Variants in VPS35L observed in about 807,000 individuals in gnomAD.
VPS35L encodes the protein VPS35 endosomal protein sorting factor like, also known as VPS35 endosomal protein-sorting factor-like.
Under a neutral mutation model 133.0 loss-of-function variants are expected in VPS35L, and 83 were observed. That is an observed-to-expected ratio of 0.62 (90% CI 0.52 to 0.75). The LOEUF (loss-of-function observed/expected upper bound fraction) is 0.75, where lower values mean the gene tolerates loss of function less well. Among genes scored for constraint, VPS35L ranks in the 30% least tolerant of loss-of-function variants. VPS35L has a pLI of 0.00. For synonymous variants in VPS35L, 423 were observed against 449.9 expected, an observed-to-expected ratio of 0.94 and a Z score of 0.76; for missense variants, 1,083 against 1,206.8, an observed-to-expected ratio of 0.90 and a Z score of 1.52.
chr16:19,665,369 C>G (rs962536785), intron 26 of VPS35L, among the ~76,000 whole-genome samples: 1 of 152,214 alleles, frequency 6.6e-6, no homozygotes, highest in Admixed American at 6.5e-5. Context: ...TCCTTCTACT[C>G]TCTGTCTCCA....
At chr16:19,692,400 T>C (rs1033280939) in intron 29 of VPS35L, among the ~76,000 whole-genome samples, 2 of 152,092 alleles carry the variant, frequency 1.3e-5, no homozygotes, top group East Asian at 1.9e-4. Flanking sequence ...TTTATTTCCA[T>C]TGAATGGGGA....
chr16:19,634,165 A>G (rs1324586601), intron 19 of VPS35L, among the ~76,000 whole-genome samples: 1 of 151,576 alleles, frequency 6.6e-6, no homozygotes, highest in African/African-American at 2.4e-5. Flanking sequence ...TAAAGAGTTC[A>G]GTGAGGCAAG....
chr16:19,556,363 G>A (rs967635889), intron 1 of VPS35L, among the ~76,000 whole-genome samples: 3 of 152,328 alleles, frequency 2.0e-5, no homozygotes, highest in African/African-American at 7.2e-5. Flanking sequence ...GCTTCAGAGA[G>A]GAGGAGTTAA....
chr16:19,639,746 C>G lies in VPS35L; in HGVS notation c.1699-269C>G, dbSNP rs927475973. Among the ~76,000 whole-genome samples the G allele has an allele frequency of 2.0e-5, 3 of 152,130 alleles. No homozygotes were observed. The highest frequency in any genetic ancestry group is 7.2e-5 in the African/African-American group (3 of 41,436). ...GTTTCGCCATGTTGGCCAGGCTGGT[C>G]TTGAACTCCTGGCCTCAAGTGATCC... On this transcript the variant is annotated intron_variant, in intron 20 of 30. Coordinates refer to ENST00000417362, the MANE Select transcript of VPS35L (RefSeq NM_020314.7). The surrounding 1 kb of genome is among the most constrained non-coding windows in gnomAD (Gnocchi z 4.1).
chr16:19,620,957 GA>G (rs758646202), intron 14 of VPS35L, among the ~76,000 whole-genome samples: 30 of 151,414 alleles, frequency 2.0e-4, no homozygotes, highest in Non-Finnish European at 2.7e-4. Context: ...TCTCAAAAAA[GA>G]ATAAATTAAA....
In VPS35L at chr16:19,591,849, T is replaced by A; in HGVS notation, c.699T>A (p.Leu233=). 1 of 1,609,376 alleles carries A rather than the reference T, an allele frequency of 6.2e-7. No individual in the cohort carries two copies. The highest frequency in any genetic ancestry group is 1.1e-5 in the South Asian group (1 of 90,990). ...AGTTCTACCCAAGCAAATTTGTCCTTATCACCGACATACTTGATACATTTG... is the reference window on the plus strand; with the variant it reads ...AGTTCTACCCAAGCAAATTTGTCCTAATCACCGACATACTTGATACATTTG... ...VIQFYPSKFV[L]ITDILDTFGK... Residue 233 remains leucine, a synonymous_variant, in exon 8 of 31, where the codon CTT becomes CTA. Coordinates refer to ENST00000417362, the MANE Select transcript of VPS35L (RefSeq NM_020314.7).
intron 5 of VPS35L, among the ~76,000 whole-genome samples, chr16:19,575,332 A>G (rs1213969456): frequency 2.0e-5 from 3 of 152,228 alleles, no homozygotes; most frequent in Non-Finnish European, 4.4e-5. Context: ...TGGGAGGCCA[A>G]GGTGGGTGGA....
chr16:19,652,207 C>T (rs1164823610), intron 26 of VPS35L, 117 bp downstream of exon 26: 2 of 751,016 alleles, frequency 2.7e-6, no homozygotes, highest in South Asian at 1.7e-5. Flanking sequence ...GACAGAGTCT[C>T]ACTCTGTCAC....
intron 28 of VPS35L, among the ~76,000 whole-genome samples, chr16:19,684,391 G>C (rs1975387576): frequency 6.6e-6 from 1 of 152,200 alleles, no homozygotes; most frequent in African/African-American, 2.4e-5. Flanking sequence ...GCAAGTTGCA[G>C]TGAACACATT....
At position 19,669,201 on chromosome 16, in the gene VPS35L, G is replaced by A. The variant is rs763233007; in HGVS notation, c.2263G>A (p.Val755Ile). ...FKAAISLVPE[V>I]PKMINIDGKM... ...AGCCGCTATAAGCCTTGTTCCGGAAGTTCCAAAGATGATTAATATTGATGG... is the reference window on the plus strand; with the variant it reads ...AGCCGCTATAAGCCTTGTTCCGGAAATTCCAAAGATGATTAATATTGATGG... The change falls in exon 27 of 31, where the codon GTT becomes ATT. Residue 755 changes from valine (V) to isoleucine (I), a missense_variant. Transcript: ENST00000417362. The A allele has an allele frequency of 6.2e-6, 10 of 1,612,136 alleles. No individual in the cohort carries two copies. The highest frequency in any genetic ancestry group is 1.6e-4 in the Middle Eastern group (1 of 6,078).
chr16:19,565,331 G>A (rs1041894026), intron 2 of VPS35L, among the ~76,000 whole-genome samples: 3 of 151,132 alleles, frequency 2.0e-5, no homozygotes, highest in Non-Finnish European at 4.4e-5. Context: ...TTATGGGTGT[G>A]GGCCACCGTG....
Position 19,555,774 on chromosome 16 carries a change from G to A in VPS35L, c.17+28G>A. On this transcript the variant is annotated intron_variant, in intron 1 of 30. Coordinates refer to ENST00000417362, the MANE Select transcript of VPS35L (RefSeq NM_020314.7). ...AAGGAAGCAGCGGCGGGTGGGCTTT[G>A]GAGAGGGGCTGTCCTTACTTGTGAT... 4 of 1,561,782 alleles carry A rather than the reference G, an allele frequency of 2.6e-6. No individual in the cohort carries two copies. The Middle Eastern group carries it at 6.1e-4, about 237-fold the overall frequency.
At chr16:19,629,143 C>T (rs751766385) in intron 17 of VPS35L, among the ~76,000 whole-genome samples, 50 of 152,222 alleles carry the variant, frequency 3.3e-4, no homozygotes, top group Non-Finnish European at 5.3e-4. Flanking sequence ...AAAAAATTAC[C>T]CTTCCAAGCT....
chr16:19,588,578 A>G (rs226872), intron 7 of VPS35L, among the ~76,000 whole-genome samples: 9,871 of 151,352 alleles, frequency 0.065, 736 homozygotes, highest in African/African-American at 0.18. Context: ...TTTCTGTATG[A>G]ATTTTAGGAT....
chr16:19,695,833 A>G (rs1430042484), intron 29 of VPS35L, among the ~76,000 whole-genome samples: 1 of 152,004 alleles, frequency 6.6e-6, no homozygotes, highest in Non-Finnish European at 1.5e-5. Flanking sequence ...AAATAAATAA[A>G]TAAAAACATG....
In VPS35L at chr16:19,700,806, G is replaced by T; in HGVS notation, c.*330G>T. The stretch of plus-strand genomic sequence containing the variant: ...GTAACATCTTTCTTCTCTGGAAGGT[G>T]TTTGTTTTTTCATAGTTTAGAAATA... On this transcript the variant is annotated 3_prime_UTR_variant, in exon 31 of 31. Transcript: ENST00000417362. 1 of 261,938 alleles carries T rather than the reference G, an allele frequency of 3.8e-6. No individual in the cohort carries two copies. The highest frequency in any genetic ancestry group is 7.3e-6 in the Non-Finnish European group (1 of 137,188). The allele number at this position is 261,938 out of a possible 1,614,324, so 16.2% of individuals were successfully genotyped here. A position where few individuals can be genotyped will look rare whatever the true frequency, so the allele number is the denominator to read the frequency against.
chr16:19,623,796 ATTATTATTATTATTATTATTG>A (rs1367435130), intron 14 of VPS35L, among the ~76,000 whole-genome samples: 2,325 of 115,258 alleles, frequency 0.02, 76 homozygotes, highest in African/African-American at 0.083. Flanking sequence ...TATTATTATT[ATTATTATTATTATTATTATTG>A]TTTTAAGACA....
intron 23 of VPS35L, among the ~76,000 whole-genome samples, chr16:19,645,161 GGGAGGGTGATGGGA>G (rs1425356938): frequency 1.3e-5 from 2 of 152,064 alleles, no homozygotes; most frequent in East Asian, 3.9e-4. Flanking sequence ...GGTGGGGGGC[GGGAGGGTGATGGGA>G]GGAGGGATTT....
intron 14 of VPS35L, 97 bp from the exon 15 acceptor site, chr16:19,626,080 A>C: frequency 1.4e-6 from 1 of 739,870 alleles, no homozygotes; most frequent in Non-Finnish European, 2.2e-6. Flanking sequence ...ACATGTGGCT[A>C]CATTCATTTT....
Sources: allele counts gnomAD v4.1 joint callset (sites outside exome capture counted in the v4.1 genomes callset), GRCh38; gene constraint gnomAD v4.1.1; non-coding constraint Gnocchi (gnomAD v3.1); transcripts MANE v1.5; gene names NCBI Gene and HGNC (gene_info 2026-07-23, HGNC 2026-07-21).